Variants in DLG2 observed in about 807,000 individuals in gnomAD.
The protein encoded by DLG2 is disks large homolog 2.
Under a neutral mutation model 132.5 loss-of-function variants are expected in DLG2, and 45 were observed. That is an observed-to-expected ratio of 0.34 (90% CI 0.27 to 0.44). DLG2 has a LOEUF of 0.44. Among genes scored for constraint, DLG2 ranks in the 20% least tolerant of loss-of-function variants. The pLI, the probability that DLG2 is intolerant of heterozygous loss-of-function variation, is 1.00. For synonymous variants in DLG2, 424 were observed against 419.6 expected, an observed-to-expected ratio of 1.01 and a Z score of -0.13; for missense variants, 1,045 against 1,196.9, an observed-to-expected ratio of 0.87 and a Z score of 1.87.
chr11:83,937,497 G>C lies in DLG2; in HGVS notation c.1341-7014C>G, dbSNP rs539984243. On this transcript the variant is annotated intron_variant, in intron 14 of 27. Coordinates refer to ENST00000376104, the MANE Select transcript of DLG2 (RefSeq NM_001142699.3). The stretch of plus-strand genomic sequence containing the variant: ...CACTCCAGCCTGGGCGAAAGAGTGA[G>C]ACTCCATCTCAAAAAAAAAAAAAAA... 5.3e-5 allele frequency among the ~76,000 whole-genome samples: 5 copies of C among 94,124 alleles called. No individual in the cohort carries two copies. The East Asian group carries it at 1.6e-3, about 30-fold the overall frequency. The allele number at this position is 94,124 out of a possible 152,430, so 61.7% of individuals were successfully genotyped here. A position where few individuals can be genotyped will look rare whatever the true frequency, so the allele number is the denominator to read the frequency against.
chr11:83,513,746 T>C (rs2095163552), intron 21 of DLG2, among the ~76,000 whole-genome samples: 1 of 152,254 alleles, frequency 6.6e-6, no homozygotes, highest in South Asian at 2.1e-4. Flanking sequence ...TTTCTACATA[T>C]GGCTAGCCAG....
chr11:85,026,717 G>C (rs1252150092), intron 6 of DLG2, among the ~76,000 whole-genome samples: 14 of 151,912 alleles, frequency 9.2e-5, no homozygotes, highest in Admixed American at 6.6e-4. Context: ...GGCGCCTGTA[G>C]TCCCAGCTAC....
intron 11 of DLG2, among the ~76,000 whole-genome samples, chr11:84,002,838 A>T (rs190926458): frequency 1.1e-3 from 161 of 152,186 alleles, no homozygotes; most frequent in African/African-American, 3.7e-3. Context: ...AGCTGGCTTG[A>T]ATTTCTTTTC....
intron 7 of DLG2, among the ~76,000 whole-genome samples, chr11:84,381,305 G>A (rs1372591647): frequency 1.4e-5 from 2 of 140,604 alleles, no homozygotes; most frequent in African/African-American, 6.1e-5. Flanking sequence ...TTAACCAAGA[G>A]GTGAAAAATT....
At chr11:83,472,837 C>T in intron 22 of DLG2, 60 bp from the exon 23 acceptor site, 1 of 1,419,240 alleles carries the variant, frequency 7.0e-7, no homozygotes, top group Non-Finnish European at 9.9e-7. Context: ...CAGAGACAAG[C>T]CCTGCTCTGA....
chr11:84,868,067 C>T lies in DLG2; in HGVS notation c.357+243594G>A, dbSNP rs569756242. On this transcript the variant is annotated intron_variant, in intron 6 of 27. Coordinates refer to ENST00000376104, the MANE Select transcript of DLG2 (RefSeq NM_001142699.3). ...CCAGCCTGGGCAACAAAGCGAGGTTCCGTCTCAAAATAATAATAATTCTTA... is the reference window on the plus strand; with the variant it reads ...CCAGCCTGGGCAACAAAGCGAGGTTTCGTCTCAAAATAATAATAATTCTTA... Among the ~76,000 whole-genome samples the T allele has an allele frequency of 6.0e-5, 9 of 149,178 alleles. No individual in the cohort carries two copies. The East Asian group carries it at 1.8e-3, about 29-fold the overall frequency.
At chr11:84,971,248 C>T (rs1203061629) in intron 6 of DLG2, among the ~76,000 whole-genome samples, 4 of 152,056 alleles carry the variant, frequency 2.6e-5, no homozygotes, top group African/African-American at 9.7e-5. Flanking sequence ...AAATGAAAAG[C>T]ACAGAGGCAA....
chr11:85,447,515 A>G (rs2092064425), intron 3 of DLG2, among the ~76,000 whole-genome samples: 1 of 152,194 alleles, frequency 6.6e-6, no homozygotes, highest in African/African-American at 2.4e-5. Flanking sequence ...AGCCATCTGC[A>G]AGCCAAGGAG....
chr11:85,100,151 C>A (rs1056266287), intron 6 of DLG2, among the ~76,000 whole-genome samples: 1 of 152,080 alleles, frequency 6.6e-6, no homozygotes, highest in African/African-American at 2.4e-5. Context: ...TCAGTTATAT[C>A]TTACACTATC....
At chr11:83,627,942 A>G (rs187014215) in intron 19 of DLG2, among the ~76,000 whole-genome samples, 116 of 152,208 alleles carry the variant, frequency 7.6e-4, no homozygotes, top group African/African-American at 2.7e-3. Context: ...TGTGGTTTTG[A>G]TTTGCATTTC....
chr11:85,167,167 C>T (rs192154503), intron 4 of DLG2, among the ~76,000 whole-genome samples: 26 of 152,208 alleles, frequency 1.7e-4, no homozygotes, highest in South Asian at 4.1e-4. Context: ...CAGAGTTCTA[C>T]GATGCCAGGT....
intron 17 of DLG2, among the ~76,000 whole-genome samples, chr11:83,794,458 T>C (rs1220907296): frequency 3.3e-5 from 5 of 150,314 alleles, no homozygotes; most frequent in African/African-American, 1.2e-4. Context: ...TTTTTTTTTT[T>C]TTTTTGCTTC....
At chr11:85,358,497 A>C (rs1430722434) in intron 3 of DLG2, among the ~76,000 whole-genome samples, 3 of 152,200 alleles carry the variant, frequency 2.0e-5, no homozygotes, top group Non-Finnish European at 2.9e-5. Flanking sequence ...TGCTCTAAAA[A>C]TTATTGCAAT....
At chr11:85,481,964 G>A (rs1409440172) in intron 3 of DLG2, among the ~76,000 whole-genome samples, 4 of 152,068 alleles carry the variant, frequency 2.6e-5, no homozygotes, top group Non-Finnish European at 5.9e-5. Context: ...GGTCTACAGA[G>A]CAAATTTGAG....
At chr11:85,260,448 C>T (rs1267203765) in intron 4 of DLG2, among the ~76,000 whole-genome samples, 2 of 152,170 alleles carry the variant, frequency 1.3e-5, no homozygotes, top group African/African-American at 2.4e-5. Context: ...TGAGGATCTT[C>T]TTCCACATGA....
At chr11:84,724,674 TGACA>T (rs1345802569) in intron 6 of DLG2, among the ~76,000 whole-genome samples, 2 of 152,130 alleles carry the variant, frequency 1.3e-5, no homozygotes, top group East Asian at 3.9e-4. Context: ...GGAAAGCAAA[TGACA>T]GGGCGAGATT....
intron 10 of DLG2, among the ~76,000 whole-genome samples, chr11:84,066,641 A>G (rs1317528363): frequency 6.6e-6 from 1 of 152,110 alleles, no homozygotes; most frequent in Non-Finnish European, 1.5e-5. Context: ...GGCGCCTGTA[A>G]TCCCAGCTAC....
chr11:83,698,689 G>A (rs1566588855), intron 18 of DLG2, among the ~76,000 whole-genome samples: 1 of 152,170 alleles, frequency 6.6e-6, no homozygotes, highest in African/African-American at 2.4e-5. Context: ...TTCATGAGAT[G>A]ATAATAATAT....
At chr11:84,640,329 C>T (rs892577714) in intron 6 of DLG2, 25 of 347,820 alleles carry the variant, frequency 7.2e-5, no homozygotes, top group African/African-American at 1.1e-4. Context: ...TGTTGACATC[C>T]GAAATTTCTT....
Sources: allele counts gnomAD v4.1 joint callset (sites outside exome capture counted in the v4.1 genomes callset), GRCh38; gene constraint gnomAD v4.1.1; transcripts MANE v1.5; gene names NCBI Gene and HGNC (gene_info 2026-07-23, HGNC 2026-07-21).